The following KLF12 variants were observed in gnomAD, a reference collection of about 807,000 sequenced individuals.
KLF12 encodes Krueppel-like factor 12.
KLF12 carries 9 observed loss-of-function variants against 37.8 expected under a neutral mutation model. The observed-to-expected ratio is 0.24, with a 90% CI of 0.14 to 0.42. The LOEUF is 0.42. Among genes scored for constraint, KLF12 ranks in the 10% least tolerant of loss-of-function variants. The probability of loss-of-function intolerance (pLI) is 1.00; values close to 1 mark genes in which losing one functional copy is unlikely to be tolerated. For synonymous variants in KLF12, 208 were observed against 202.1 expected (o/e 1.03, Z -0.25); for missense variants, 411 against 516.0 (o/e 0.80, Z 1.97).
intron 2 of KLF12, among the ~76,000 whole-genome samples, chr13:73,969,836 T>C (rs1389148492): frequency 6.6e-6 from 1 of 152,198 alleles, no homozygotes; most frequent in Non-Finnish European, 1.5e-5. Flanking sequence ...CATCAAACCT[T>C]CCTCTTAATG....
At chr13:74,241,572 T>C in the KLF12 span, among the ~76,000 whole-genome samples, 17 of 152,146 alleles carry the variant, frequency 1.1e-4, no homozygotes, top group African/African-American at 3.6e-4. Context: ...TGCAGTTTGA[T>C]CTCAGACTGC....
chr13:74,282,698 A>G, the KLF12 span, among the ~76,000 whole-genome samples: 2 of 152,204 alleles, frequency 1.3e-5, no homozygotes, highest in Admixed American at 1.3e-4. Context: ...AGAGCAAACC[A>G]AGGAATAGAA....
rs186919243 is a variant in KLF12, at chr13:73,814,314, T to A, written c.671-1027A>T. 1.8e-3 allele frequency among the ~76,000 whole-genome samples: 272 copies of A among 152,356 alleles called. 2 individuals carry two copies. The highest frequency in any genetic ancestry group is 6.4e-3 in the African/African-American group (265 of 41,580). ...CATAATGACATTTGGGTACATTTCATAATTTCATTTTTTTGGTCTCAAATC... is the reference window on the plus strand; with the variant it reads ...CATAATGACATTTGGGTACATTTCAAAATTTCATTTTTTTGGTCTCAAATC... On this transcript the variant is annotated intron_variant, in intron 4 of 7. Transcript: ENST00000377669.
In KLF12 at chr13:73,981,785, C is replaced by T. The variant is rs147462333; in HGVS notation, c.33+13205G>A. ...TCCCTTCTGCCAAGAGAAAATGCAG[C>T]TAAGAGTAACCCCTGGCCAGACACT... On this transcript the variant is annotated intron_variant, in intron 2 of 7. Transcript: ENST00000377669. Among the ~76,000 whole-genome samples, 185 of 152,258 alleles carry T rather than the reference C, an allele frequency of 1.2e-3. 2 individuals carry two copies. The highest frequency in any genetic ancestry group is 4.3e-3 in the African/African-American group (177 of 41,530).
chr13:74,292,611 G>A, the KLF12 span, among the ~76,000 whole-genome samples: 4 of 151,958 alleles, frequency 2.6e-5, no homozygotes, highest in East Asian at 3.9e-4. Context: ...TCCCAAATAA[G>A]CCTAGTATGT....
intron 6 of KLF12, among the ~76,000 whole-genome samples, chr13:73,746,088 G>T (rs950211702): frequency 1.3e-5 from 2 of 150,856 alleles, no homozygotes; most frequent in Admixed American, 6.6e-5. Flanking sequence ...AAAAAACTGT[G>T]CATTGCCACA....
At chr13:74,228,614 T>C in the KLF12 span, among the ~76,000 whole-genome samples, 1 of 152,044 alleles carries the variant, frequency 6.6e-6, no homozygotes, top group African/African-American at 2.4e-5. Flanking sequence ...TCCAAATCAG[T>C]GGCTCTTTTT....
At chr13:74,188,822 C>A in the KLF12 span, among the ~76,000 whole-genome samples, 1 of 152,036 alleles carries the variant, frequency 6.6e-6, no homozygotes, top group African/African-American at 2.4e-5. Flanking sequence ...ATGGCGAAAC[C>A]CCGTCTTTAC....
chr13:73,929,946 AG>A (rs1393253692), intron 3 of KLF12, among the ~76,000 whole-genome samples: 1 of 152,232 alleles, frequency 6.6e-6, no homozygotes, highest in Non-Finnish European at 1.5e-5. Flanking sequence ...AACACAAGAA[AG>A]TAACAACATG....
At chr13:74,085,450 G>A (rs926751626) in intron 1 of KLF12, among the ~76,000 whole-genome samples, 1 of 152,168 alleles carries the variant, frequency 6.6e-6, no homozygotes, top group African/African-American at 2.4e-5. Flanking sequence ...TTGAGCACTT[G>A]TTATGTATGA....
the KLF12 span, among the ~76,000 whole-genome samples, chr13:74,140,202 A>G: frequency 7.9e-5 from 12 of 152,218 alleles, no homozygotes; most frequent in Admixed American, 4.6e-4. Flanking sequence ...ATAGAAACCT[A>G]CTGTCAAATT....
chr13:73,773,649 T>C (rs1401380596), intron 5 of KLF12, among the ~76,000 whole-genome samples: 3 of 152,168 alleles, frequency 2.0e-5, no homozygotes, highest in East Asian at 3.9e-4. Flanking sequence ...CCCTAATCCC[T>C]TGGCTGCACT....
chr13:74,057,487 C>T (rs931093038), intron 1 of KLF12, among the ~76,000 whole-genome samples: 4 of 152,190 alleles, frequency 2.6e-5, no homozygotes, highest in African/African-American at 7.2e-5. Context: ...ACAATGGTAA[C>T]TGTTAAGACC....
the KLF12 span, among the ~76,000 whole-genome samples, chr13:74,256,772 C>T: frequency 3.3e-5 from 5 of 151,912 alleles, no homozygotes; most frequent in Admixed American, 3.3e-4. Context: ...CTACTATTTG[C>T]AGACTCACTG....
chr13:73,801,365 A>G (rs1882270628), intron 5 of KLF12: 1 of 152,092 alleles, frequency 6.6e-6, no homozygotes, highest in South Asian at 2.1e-4. Context: ...TTAATTTCAA[A>G]TATATTACTC....
At chr13:73,725,635 T>C (rs868263450) in intron 6 of KLF12, among the ~76,000 whole-genome samples, 1 of 151,262 alleles carries the variant, frequency 6.6e-6, no homozygotes, top group Admixed American at 6.6e-5. Context: ...ATTTTTGTGG[T>C]GGAAGCTCCT....
rs1227636445 is a variant in KLF12, at chr13:73,689,292, G to GATGTTTTTT, written c.*6189_*6197dup. 21 of 152,150 alleles carry GATGTTTTTT rather than the reference G, an allele frequency of 1.4e-4. 3 individuals carry two copies. Among genetic ancestry groups the GATGTTTTTT allele is most frequent in the Admixed American group, 5.2e-4 (8 of 15,264 alleles). 9.4% of individuals were successfully genotyped at this position (152,150 alleles called of 1,614,324 possible). On this transcript the variant is annotated 3_prime_UTR_variant, in exon 8 of 8. Coordinates refer to ENST00000377669, the MANE Select transcript of KLF12 (RefSeq NM_007249.5). ...CTAACATTGGGAGGAGAAAACAGTG[G>GATGTTTTTT]ATGTTTTTTTGAGGCCTGTGGTCTG...
At chr13:73,958,941 A>C (rs560670930) in intron 2 of KLF12, among the ~76,000 whole-genome samples, 1 of 151,104 alleles carries the variant, frequency 6.6e-6, no homozygotes, top group Non-Finnish European at 1.5e-5. Flanking sequence ...TCTGCTAGGC[A>C]GACTTCAGCA....
chr13:73,882,256 A>G (rs1173186456), intron 3 of KLF12, among the ~76,000 whole-genome samples: 2 of 152,192 alleles, frequency 1.3e-5, no homozygotes, highest in East Asian at 3.8e-4. Context: ...CTTCTGTAAC[A>G]TTTGAAGAAG....
Sources: gnomAD v4.1 joint callset for allele counts (sites outside exome capture counted in the v4.1 genomes callset) on GRCh38, gnomAD v4.1.1 for gene constraint, MANE v1.5 for transcripts, NCBI Gene and HGNC (gene_info 2026-07-23, HGNC 2026-07-21) for gene names.